The following CHD9 variants were observed in gnomAD, a reference collection of about 807,000 sequenced individuals.
CHD9 encodes the protein chromodomain helicase DNA binding protein 9.
In CHD9, 77 loss-of-function variants were observed where a neutral mutation model predicts 316.1. That is an observed-to-expected ratio of 0.24 (90% CI 0.20 to 0.29). CHD9 has a LOEUF of 0.29. Among genes scored for constraint, CHD9 ranks in the 10% least tolerant of loss-of-function variants. The pLI, the probability that CHD9 is intolerant of heterozygous loss-of-function variation, is 1.00. For synonymous variants in CHD9, 1,129 were observed against 1,158.3 expected (o/e 0.97, Z 0.51); for missense variants, 2,763 against 3,438.1 (o/e 0.80, Z 4.91).
At chr16:53,310,064 C>G (rs1174332469) in intron 34 of CHD9, among the ~76,000 whole-genome samples, 1 of 152,212 alleles carries the variant, frequency 6.6e-6, no homozygotes, top group Non-Finnish European at 1.5e-5. Context: ...GAACTGATCA[C>G]TATTTCCAAA....
chr16:53,306,333 G>A lies in CHD9; in HGVS notation c.6716G>A (p.Gly2239Glu). 6.2e-7 allele frequency: 1 copy of A among 1,610,854 alleles called. No homozygotes were observed. Among genetic ancestry groups the A allele is most frequent in the South Asian group, 1.1e-5 (1 of 90,732 alleles). The change falls in exon 32 of 39, where the codon GGG becomes GAG. Residue 2239 changes from glycine (G) to glutamate (E), a missense_variant. Physicochemically the swap from Gly to Glu is moderately conservative, Grantham distance 98. Around this residue, in one of 15 missense-constraint regions of CHD9, gnomAD observed 663 missense variants for 751.2 expected, o/e 0.88. Transcript: ENST00000447540. ...CAGGATAGTTTTCAGATGAACAATG[G>A]GACACCAGAGTCTGCTTATATCTTA... ...ETQDSFQMNN[G>E]TPESAYILQG...
At chr16:53,299,876 C>T (rs1049373864) in intron 30 of CHD9, 15 of 153,720 alleles carry the variant, frequency 9.8e-5, no homozygotes, top group African/African-American at 3.6e-4. Flanking sequence ...ACAACAGCCA[C>T]CACTCTGGAA....
At chr16:53,090,725 TGCGGTGGCTTTCCA>T (rs2035860153) in intron 1 of CHD9, among the ~76,000 whole-genome samples, 1 of 152,156 alleles carries the variant, frequency 6.6e-6, no homozygotes, top group Non-Finnish European at 1.5e-5. Flanking sequence ...AATGTGGGTG[TGCGGTGGCTTTCCA>T]GTTTCTTGGC....
Position 53,125,554 on chromosome 16 carries a change from G to A in CHD9, c.-164-30372G>A, listed in dbSNP as rs376793728. The stretch of plus-strand genomic sequence containing the variant: ...CCCAGCTGACTTAAGATTTTTTGAC[G>A]TTGCAGTGGTGCTAAGGTGATACCC... On this transcript the variant is annotated intron_variant, in intron 1 of 38. Transcript: ENST00000447540. Among the ~76,000 whole-genome samples, 61 of 152,218 alleles carry A rather than the reference G, an allele frequency of 4.0e-4. 2 individuals carry two copies. In the South Asian group the frequency reaches 6.4e-3, roughly 16 times the overall value.
chr16:53,171,448 C>T (rs1038784696), intron 2 of CHD9, among the ~76,000 whole-genome samples: 2 of 151,974 alleles, frequency 1.3e-5, no homozygotes, highest in African/African-American at 4.8e-5. Flanking sequence ...AAAATAAAAA[C>T]AATTTAGTTG....
chr16:53,314,982 G>A lies in CHD9; in HGVS notation c.7522G>A (p.Asp2508Asn). The change falls in exon 36 of 39, where the codon GAT becomes AAT. Residue 2508 changes from aspartate (D) to asparagine (N), a missense_variant. Asp to Asn is a conservative substitution (Grantham distance 23). Transcript: ENST00000447540. Reference protein sequence around the residue: ...LAGDDAPKRKDLEKWLKEHPG... With the variant: ...LAGDDAPKRKNLEKWLKEHPG... ...AGGAGATGATGCACCAAAGAGAAAG[G>A]ATTTGGAAAAATGGCTTAAGGAGCA... 1 of 1,613,820 alleles carries A rather than the reference G, an allele frequency of 6.2e-7. No homozygotes were observed. Among genetic ancestry groups the A allele is most frequent in the Non-Finnish European group, 8.5e-7 (1 of 1,179,806 alleles).
intron 2 of CHD9, among the ~76,000 whole-genome samples, chr16:53,204,047 A>AT (rs1400444235): frequency 1.9e-4 from 16 of 85,060 alleles, no homozygotes; most frequent in African/African-American, 7.1e-4. Flanking sequence ...AAAAAAAAAA[A>AT]AATATATATA....
intron 24 of CHD9, among the ~76,000 whole-genome samples, chr16:53,284,841 C>T (rs770215187): frequency 9.9e-5 from 15 of 152,184 alleles, no homozygotes; most frequent in Admixed American, 3.9e-4. Context: ...TCTTGGTTTG[C>T]TGTCACCCCA....
intron 1 of CHD9, among the ~76,000 whole-genome samples, chr16:53,129,953 G>A (rs2039144299): frequency 6.6e-6 from 1 of 152,146 alleles, no homozygotes. Flanking sequence ...AATTCGTGAA[G>A]GATCGAGAGG....
At chr16:53,240,762 T>C (rs954857759) in intron 12 of CHD9, among the ~76,000 whole-genome samples, 9 of 152,142 alleles carry the variant, frequency 5.9e-5, no homozygotes, top group Non-Finnish European at 1.3e-4. Flanking sequence ...ATCAAGTATT[T>C]AACATGTGCC....
chr16:53,103,716 G>A (rs1190861209), intron 1 of CHD9, among the ~76,000 whole-genome samples: 1 of 152,128 alleles, frequency 6.6e-6, no homozygotes, highest in African/African-American at 2.4e-5. Context: ...AAACTTCAAA[G>A]TTATCCTCAA....
intron 1 of CHD9, among the ~76,000 whole-genome samples, chr16:53,097,653 C>T (rs1430597861): frequency 3.3e-5 from 5 of 152,128 alleles, no homozygotes; most frequent in African/African-American, 4.8e-5. Context: ...CTTAATGTGT[C>T]CCTAGTACCT....
chr16:53,135,630 T>C (rs1235581389), intron 1 of CHD9, among the ~76,000 whole-genome samples: 1 of 152,082 alleles, frequency 6.6e-6, no homozygotes, highest in Non-Finnish European at 1.5e-5. Flanking sequence ...AAAGGAAAGA[T>C]TTGGCAAGAA....
intron 2 of CHD9, among the ~76,000 whole-genome samples, chr16:53,197,076 G>C (rs1000489883): frequency 6.6e-6 from 1 of 152,128 alleles, no homozygotes; most frequent in Non-Finnish European, 1.5e-5. Flanking sequence ...TTACTGTGAT[G>C]AATGTGTTAA....
chr16:53,286,376 A>G (rs558872996), intron 26 of CHD9, 33 bp downstream of exon 26: 47 of 1,120,670 alleles, frequency 4.2e-5, no homozygotes, highest in Middle Eastern at 3.9e-4. Flanking sequence ...AATTTTCTAT[A>G]TATCTCTCTT....
chr16:53,307,655 C>T (rs146806145), intron 32 of CHD9, 26 bp from the exon 33 acceptor site: 523 of 1,559,008 alleles, frequency 3.4e-4, no homozygotes, highest in East Asian at 3.2e-3. Flanking sequence ...ATTAAAATTA[C>T]ACTTTGATGT....
chr16:53,149,017 G>A (rs1380601110), intron 1 of CHD9, among the ~76,000 whole-genome samples: 2 of 152,040 alleles, frequency 1.3e-5, no homozygotes, highest in East Asian at 3.9e-4. Flanking sequence ...TTTCTTCTTA[G>A]ACCCATTGAT....
At chr16:53,219,520 G>A (rs2047060870) in intron 3 of CHD9, among the ~76,000 whole-genome samples, 1 of 152,170 alleles carries the variant, frequency 6.6e-6, no homozygotes. Flanking sequence ...GATGCAGGAA[G>A]AAGAGCCAAA....
chr16:53,207,843 G>C (rs1310251348), intron 2 of CHD9: 1 of 156,050 alleles, frequency 6.4e-6, no homozygotes, highest in Non-Finnish European at 1.4e-5. Flanking sequence ...TGCAGGAAAT[G>C]GCAGAGTGAG....
Sources: gnomAD v4.1 joint callset for allele counts (sites outside exome capture counted in the v4.1 genomes callset) on GRCh38, gnomAD v4.1.1 for gene constraint, gnomAD v4.1.1 regional missense constraint, MANE v1.5 for transcripts, NCBI Gene and HGNC (gene_info 2026-07-23, HGNC 2026-07-21) for gene names.